The following SRGAP2C variants were observed in gnomAD, a reference collection of about 807,000 sequenced individuals.
SRGAP2C encodes the protein SLIT-ROBO Rho GTPase activating protein 2C.
SRGAP2C carries 15 observed loss-of-function variants against 25.1 expected under a neutral mutation model. The observed-to-expected ratio is 0.60, with a 90% confidence interval of 0.40 to 0.92. SRGAP2C has a LOEUF of 0.92. SRGAP2C is among the 40% of genes least tolerant of loss of function. SRGAP2C has a pLI of 0.00. For synonymous variants in SRGAP2C, 44 were observed against 96.6 expected (o/e 0.46, Z 3.19); for missense variants, 144 against 264.4 (o/e 0.54, Z 3.16).
chr1:121,206,128 C>T (rs1316573201), intron 2 of SRGAP2C, among the ~76,000 whole-genome samples: 8 of 151,028 alleles, frequency 5.3e-5, no homozygotes, highest in Admixed American at 1.3e-4. Context: ...CAGCCCCCAC[C>T]GTGCTTACCG....
chr1:121,211,001 C>G (rs1457490327), intron 2 of SRGAP2C, among the ~76,000 whole-genome samples: 1 of 123,852 alleles, frequency 8.1e-6, no homozygotes, highest in African/African-American at 3.2e-5. Context: ...AGCAGTTTGG[C>G]TGTCAAAAGG....
intron 4 of SRGAP2C, among the ~76,000 whole-genome samples, chr1:121,339,282 G>T (rs1658593631): frequency 1.5e-5 from 2 of 133,940 alleles, no homozygotes; most frequent in African/African-American, 3.0e-5. Context: ...TGGAGATGGA[G>T]TTTCTTTTTT....
At chr1:121,304,419 TA>T (rs1425406319) in intron 3 of SRGAP2C, among the ~76,000 whole-genome samples, 1 of 145,726 alleles carries the variant, frequency 6.9e-6, no homozygotes, top group East Asian at 2.1e-4. Context: ...AGGTAATTTA[TA>T]AAGAAAAGAA....
intron 2 of SRGAP2C, among the ~76,000 whole-genome samples, chr1:121,217,284 T>A (rs587614419): frequency 1.4e-5 from 2 of 146,662 alleles, no homozygotes; most frequent in Admixed American, 1.4e-4. Context: ...TGGGTACCAT[T>A]CTGTAGGAAT....
At chr1:121,249,575 TA>T (rs1243712480) in intron 2 of SRGAP2C, among the ~76,000 whole-genome samples, 67 of 18,404 alleles carry the variant, frequency 3.6e-3, no homozygotes, top group Admixed American at 6.1e-3. Context: ...TATATATATA[TA>T]TATATTTTTT....
chr1:121,274,975 G>A lies in SRGAP2C; in HGVS notation c.68-9828G>A, dbSNP rs1187994995. Among the ~76,000 whole-genome samples, 15 of 150,464 alleles carry A rather than the reference G, an allele frequency of 1.0e-4. No individual in the cohort carries two copies. In the East Asian group the frequency reaches 3.0e-3, roughly 30 times the overall value. On this transcript the variant is annotated intron_variant, in intron 2 of 9. Transcript: ENST00000367123. ...TCCTGAGCTTCATCTGCCCATTTTA[G>A]CCTCTTTGACTTTGCTTTGCTAACT...
chr1:121,328,938 G>A (rs1421861584), intron 4 of SRGAP2C, among the ~76,000 whole-genome samples: 2 of 140,166 alleles, frequency 1.4e-5, no homozygotes, highest in Non-Finnish European at 3.1e-5. Context: ...AGGGCTGGGA[G>A]TGGTGACTCA....
intron 3 of SRGAP2C, among the ~76,000 whole-genome samples, chr1:121,295,751 T>A (rs1208264817): frequency 6.6e-6 from 1 of 152,104 alleles, no homozygotes; most frequent in African/African-American, 2.4e-5. Context: ...TTGTTGTTGT[T>A]GTTGTTGTTG....
chr1:121,363,899 G>A (rs1376076932), intron 4 of SRGAP2C, among the ~76,000 whole-genome samples: 4 of 151,322 alleles, frequency 2.6e-5, no homozygotes, highest in Non-Finnish European at 4.4e-5. Context: ...GAATTTAAGA[G>A]TTACTTTTGT....
Position 121,392,361 on chromosome 1 carries a change from G to A in SRGAP2C, c.*4506G>A, listed in dbSNP as rs1484109837. 4.1e-5 allele frequency: 6 copies of A among 148,014 alleles called. 1 individual carries two copies. Among genetic ancestry groups the A allele is most frequent in the East Asian group, 2.0e-4 (1 of 5,074 alleles). The allele number at this position is 148,014 out of a possible 1,614,324, so 9.2% of individuals were successfully genotyped here. A position where few individuals can be genotyped will look rare whatever the true frequency, so the allele number is the denominator to read the frequency against. On this transcript the variant is annotated 3_prime_UTR_variant, in exon 10 of 10. Coordinates refer to ENST00000367123, the MANE Select transcript of SRGAP2C (RefSeq NM_001329984.2). ...CTTTCTCGCCTTCATTATCCCTTTC[G>A]CTGTTTCTCTTTCTCCCTTTCTCTT...
chr1:121,189,124 A>C (rs1553319442), intron 2 of SRGAP2C, among the ~76,000 whole-genome samples: 1 of 13,092 alleles, frequency 7.6e-5, no homozygotes, highest in Non-Finnish European at 1.3e-4. Flanking sequence ...TTTTTTTTTT[A>C]ACACATCCTA....
Position 121,339,425 on chromosome 1 carries a change from T to C in SRGAP2C, c.423+14785T>C, listed in dbSNP as rs1471727161. 1.1e-4 allele frequency among the ~76,000 whole-genome samples: 17 copies of C among 150,030 alleles called. No homozygotes were observed. In the South Asian group the frequency reaches 2.6e-3, roughly 23 times the overall value. ...GGCTACCACATCCAGCTAAGTTTTT[T>C]GTGTTTTTTTAGTAGAGGTGGGGTT... On this transcript the variant is annotated intron_variant, in intron 4 of 9. Coordinates refer to ENST00000367123, the MANE Select transcript of SRGAP2C (RefSeq NM_001329984.2).
intron 2 of SRGAP2C, among the ~76,000 whole-genome samples, chr1:121,189,898 A>G (rs1654623687): frequency 7.3e-6 from 1 of 136,374 alleles, no homozygotes; most frequent in African/African-American, 2.9e-5. Context: ...CCTTCCATTC[A>G]CCATATAAGG....
chr1:121,369,634 T>C (rs587769801), intron 5 of SRGAP2C, among the ~76,000 whole-genome samples: 1 of 142,534 alleles, frequency 7.0e-6, no homozygotes, highest in Admixed American at 7.1e-5. Context: ...TATTTGACTC[T>C]GGCACTAGGC....
chr1:121,374,993 T>G (rs782234935), intron 7 of SRGAP2C, 39 bp downstream of exon 7: 1 of 765,478 alleles, frequency 1.3e-6, no homozygotes, highest in Non-Finnish European at 2.4e-6. Context: ...GCCCCTCTTT[T>G]CTGGTTTCAG....
chr1:121,264,639 T>C (rs1307493840), intron 2 of SRGAP2C, among the ~76,000 whole-genome samples: 1 of 151,324 alleles, frequency 6.6e-6, no homozygotes, highest in Non-Finnish European at 1.5e-5. Flanking sequence ...TTTCCTGCCT[T>C]CTTCCCATAG....
intron 2 of SRGAP2C, among the ~76,000 whole-genome samples, chr1:121,219,210 A>G (rs1655472033): frequency 2.1e-5 from 3 of 145,218 alleles, no homozygotes; most frequent in South Asian, 4.4e-4. Context: ...AGTAGATGTG[A>G]GTAATACACA....
chr1:121,292,178 A>G (rs1254975029), intron 3 of SRGAP2C, among the ~76,000 whole-genome samples: 1 of 151,954 alleles, frequency 6.6e-6, no homozygotes, highest in Non-Finnish European at 1.5e-5. Context: ...GTGAATACCT[A>G]AAGAGTCCAC....
intron 3 of SRGAP2C, among the ~76,000 whole-genome samples, chr1:121,310,601 A>G (rs1657959693): frequency 1.9e-5 from 1 of 54,008 alleles, no homozygotes; most frequent in Non-Finnish European, 3.5e-5. Context: ...TGATTTTTGT[A>G]TAAGGTGTAA....
Sources: gnomAD v4.1 joint callset for allele counts (sites outside exome capture counted in the v4.1 genomes callset) on GRCh38, gnomAD v4.1.1 for gene constraint, MANE v1.5 for transcripts, NCBI Gene and HGNC (gene_info 2026-07-23, HGNC 2026-07-21) for gene names.